The following MYH16 variants were observed in gnomAD, a reference collection of about 807,000 sequenced individuals.
MYH16 encodes the protein myosin heavy chain 16, also known as putative uncharacterized protein MYH16.
rs1233985054 is a variant in MYH16 at position 99,244,756 on chromosome 7, G to A, written n.354+1335G>A. Reference sequence around the variant, plus strand: ...TCCTTGAACCCCAGGTCTAGAAAGAGCCACACCCACCCCCGGCTGAACCTA... The same window carrying A: ...TCCTTGAACCCCAGGTCTAGAAAGAACCACACCCACCCCCGGCTGAACCTA... On this transcript the variant is annotated intron_variant and non_coding_transcript_variant, in intron 2 of 41. Coordinates refer to ENST00000439784, the Ensembl canonical transcript of MYH16. Among the ~76,000 whole-genome samples the A allele has an allele frequency of 2.0e-5, 3 of 152,322 alleles. No individual in the cohort carries two copies. In the East Asian group the frequency reaches 5.8e-4, roughly 29 times the overall value.
chr7:99,265,304 T>C (rs1439076803), intron 16 of MYH16: 2 of 152,668 alleles, frequency 1.3e-5, no homozygotes, highest in Admixed American at 1.3e-4. Flanking sequence ...AAAACAAGGC[T>C]CTGAGAGAAA....
Position 99,301,819 on chromosome 7 carries a change from C to T in MYH16, n.5137+15C>T, listed in dbSNP as rs1792599297. 1 of 152,766 alleles carries T rather than the reference C, an allele frequency of 6.5e-6. No individual in the cohort carries two copies. The highest frequency in any genetic ancestry group is 1.5e-5 in the Non-Finnish European group (1 of 68,214). The allele number at this position is 152,766 out of a possible 1,614,324, so 9.5% of individuals were successfully genotyped here. On this transcript the variant is annotated intron_variant and non_coding_transcript_variant, in intron 38 of 41. Coordinates refer to ENST00000439784, the Ensembl canonical transcript of MYH16. ...TCAACATCCAGGTAGGACAGGGCTC[C>T]TGGGTCAGTGCCACTCGCACCCACA... is the stretch of plus-strand genomic sequence containing the variant.
At chr7:99,277,941 GACAGACAGAC>G (rs1562780498) in intron 21 of MYH16, among the ~76,000 whole-genome samples, 251 of 129,922 alleles carry the variant, frequency 1.9e-3, no homozygotes, top group African/African-American at 7.2e-3. Context: ...GAGAGAGACA[GACAGACAGAC>G]AGACAGACAG....
chr7:99,280,597 G>C (rs1039192825), intron 22 of MYH16, among the ~76,000 whole-genome samples: 3 of 152,196 alleles, frequency 2.0e-5, no homozygotes, highest in Non-Finnish European at 4.4e-5. Context: ...AACCACTGGG[G>C]ATACAGTCAG....
chr7:99,250,548 C>G (rs1049899169), intron 5 of MYH16, among the ~76,000 whole-genome samples: 3 of 152,154 alleles, frequency 2.0e-5, no homozygotes, highest in African/African-American at 7.2e-5. Context: ...CAAGACCAAC[C>G]TGGGCAACAT....
chr7:99,263,076 A>C (rs1791952971), intron 13 of MYH16, among the ~76,000 whole-genome samples: 4 of 152,150 alleles, frequency 2.6e-5, no homozygotes, highest in Non-Finnish European at 5.9e-5. Flanking sequence ...CAAAGCTCAG[A>C]GTTGGCGTAT....
chr7:99,308,379 G>GAAC (rs1792711454), downstream of MYH16, among the ~76,000 whole-genome samples: 2 of 150,236 alleles, frequency 1.3e-5, no homozygotes, highest in Non-Finnish European at 3.0e-5. Flanking sequence ...CCTAGGAGAG[G>GAAC]AACAATCAGA....
At chr7:99,308,288 C>A, downstream of MYH16, among the ~76,000 whole-genome samples, 1 of 81,060 alleles carries the variant, frequency 1.2e-5, no homozygotes, top group Admixed American at 1.8e-4. Context: ...GAGCGAGGCT[C>A]TGTCTAAAAA....
chr7:99,259,876 T>C (rs1183947126), intron 11 of MYH16, among the ~76,000 whole-genome samples: 2 of 150,834 alleles, frequency 1.3e-5, no homozygotes. Context: ...TATTTCTGTT[T>C]ACCATACAGG....
chr7:99,291,276 G>A, intron 30 of MYH16, 47 bp from the exon 12 acceptor site: 1 of 449,514 alleles, frequency 2.2e-6, no homozygotes, highest in Non-Finnish European at 4.5e-6. Context: ...ATCTGGCTGG[G>A]GAACCAGTTC....
chr7:99,266,305 T>C, intron 17 of MYH16, among the ~76,000 whole-genome samples: 1 of 152,156 alleles, frequency 6.6e-6, no homozygotes, highest in East Asian at 1.9e-4. Flanking sequence ...GATAAACTAC[T>C]TGCACTTGAA....
chr7:99,248,596 A>G lies in MYH16; in HGVS notation n.512-395A>G, dbSNP rs558980721. ...TGTTTTGTGGAGACAGGGTTTCACC[A>G]TCTTGCCTAGGCAGGTCTTAAACTC... is the stretch of plus-strand genomic sequence containing the variant. On this transcript the variant is annotated intron_variant and non_coding_transcript_variant, in intron 3 of 41. Transcript: ENST00000439784. Among the ~76,000 whole-genome samples, 4 of 152,252 alleles carry G rather than the reference A, an allele frequency of 2.6e-5. No homozygotes were observed. The East Asian group carries it at 7.7e-4, about 29-fold the overall frequency.
intron 2 of MYH16, among the ~76,000 whole-genome samples, chr7:99,244,667 G>C (rs1014051162): frequency 6.6e-6 from 1 of 152,170 alleles, no homozygotes; most frequent in Non-Finnish European, 1.5e-5. Context: ...ATAGCCCCAG[G>C]TGTTGCTGGA....
intron 8 of MYH16, chr7:99,254,285 A>C (rs1194226646): frequency 6.6e-6 from 1 of 152,214 alleles, no homozygotes; most frequent in Non-Finnish European, 1.5e-5. Flanking sequence ...ATTCATGTGA[A>C]TGTGTTACAG....
intron 1 of MYH16, among the ~76,000 whole-genome samples, chr7:99,240,075 A>G (rs760978246): frequency 1.4e-5 from 2 of 144,190 alleles, no homozygotes; most frequent in African/African-American, 5.6e-5. Flanking sequence ...TTTATTTTAA[A>G]TGGGTAAGGG....
chr7:99,273,053 G>A (rs140923360), intron 19 of MYH16, among the ~76,000 whole-genome samples: 80 of 152,300 alleles, frequency 5.3e-4, no homozygotes, highest in African/African-American at 1.8e-3. Flanking sequence ...TGGTGGAGGA[G>A]GGAAAATGCA....
At chr7:99,305,741 CCCT>C (rs1792668829) in intron 40 of MYH16, 92 bp from the exon 22 acceptor site, 1 of 152,710 alleles carries the variant, frequency 6.5e-6, no homozygotes, top group African/African-American at 2.4e-5. Context: ...CACGCCACTG[CCCT>C]CCAGCCTGGG....
At chr7:99,256,233 G>A (rs1464682542) in intron 9 of MYH16, among the ~76,000 whole-genome samples, 3 of 128,844 alleles carry the variant, frequency 2.3e-5, no homozygotes, top group Admixed American at 9.0e-5. Flanking sequence ...GAGTCCAGGA[G>A]TTTGAGACCA....
chr7:99,241,715 A>G (rs1791669519), intron 1 of MYH16, among the ~76,000 whole-genome samples: 1 of 152,194 alleles, frequency 6.6e-6, no homozygotes, highest in African/African-American at 2.4e-5. Context: ...TATTGTACTA[A>G]TAAGTTATTA....
Sources: allele counts gnomAD v4.1 joint callset (sites outside exome capture counted in the v4.1 genomes callset), GRCh38; gene constraint gnomAD v4.1.1; transcripts MANE v1.5; gene names NCBI Gene and HGNC (gene_info 2026-07-23, HGNC 2026-07-21).